Variants in FEM1B observed in about 807,000 individuals in gnomAD.
FEM1B encodes the protein fem-1 homolog B.
FEM1B carries 10 observed loss-of-function variants against 38.6 expected under a neutral mutation model. The observed-to-expected ratio is 0.26, with a 90% CI of 0.16 to 0.44. The LOEUF (loss-of-function observed/expected upper bound fraction) is 0.44, where lower values mean the gene tolerates loss of function less well. Ranked by LOEUF, FEM1B falls within the 20% of genes least tolerant of loss-of-function variation. FEM1B has a pLI of 1.00. For synonymous variants in FEM1B, 288 were observed against 288.0 expected (o/e 1.00, Z 0.00); for missense variants, 471 against 786.7 (o/e 0.60, Z 4.80).
At chr15:68,283,885 CTTTTT>C (rs35187853) in intron 1 of FEM1B, among the ~76,000 whole-genome samples, 5 of 139,156 alleles carry the variant, frequency 3.6e-5, no homozygotes, top group Non-Finnish European at 4.7e-5. Flanking sequence ...CTCACGTAAA[CTTTTT>C]TTTTTTTTTT....
rs1892877768 is a variant in FEM1B, at chr15:68,294,149, C to G, written c.*2907C>G. The G allele has an allele frequency of 6.6e-6, 1 of 152,108 alleles. No individual in the cohort carries two copies. The highest frequency in any genetic ancestry group is 1.5e-5 in the Non-Finnish European group (1 of 68,014). The allele number at this position is 152,108 out of a possible 1,614,324, so 9.4% of individuals were successfully genotyped here. A position where few individuals can be genotyped will look rare whatever the true frequency, so the allele number is the denominator to read the frequency against. On this transcript the variant is annotated 3_prime_UTR_variant, in exon 2 of 2. Coordinates refer to ENST00000306917, the MANE Select transcript of FEM1B (RefSeq NM_015322.5). This position sits in a 1 kb window ranked among gnomAD's most constrained non-coding sequence, Gnocchi z 4.4. The stretch of plus-strand genomic sequence containing the variant: ...TTTAACTCAAGGAATGGGCGGCAAA[C>G]CCATCCCCTCGATTGATAAAGAAGG...
At chr15:68,279,199 C>T (rs573941866) in intron 1 of FEM1B, among the ~76,000 whole-genome samples, 2 of 152,334 alleles carry the variant, frequency 1.3e-5, no homozygotes, top group East Asian at 3.9e-4. Flanking sequence ...GAGGGATTGT[C>T]ACGCAGCCAG....
chr15:68,278,770 A>ACT lies in FEM1B; in HGVS notation c.248+106_248+107dup. ...TTACCCTCTCTTCATGTAGGTACTC[A>ACT]CTTCTCCCCTTTTTGTACCACCTCC... is the stretch of plus-strand genomic sequence containing the variant. On this transcript the variant is annotated intron_variant, in intron 1 of 1. Transcript: ENST00000306917. The surrounding 1 kb of genome is among the most constrained non-coding windows in gnomAD (Gnocchi z 5.7). 7.6e-7 allele frequency: 1 copy of ACT among 1,321,852 alleles called. No homozygotes were observed. Among genetic ancestry groups the ACT allele is most frequent in the Non-Finnish European group, 1.1e-6 (1 of 944,240 alleles). 81.9% of individuals were successfully genotyped at this position (1,321,852 alleles called of 1,614,324 possible).
Position 68,277,996 on chromosome 15 carries a change from GAC to G in FEM1B, c.-421_-420del. 1 of 198,962 alleles carries G rather than the reference GAC, an allele frequency of 5.0e-6. No homozygotes were observed. The highest frequency in any genetic ancestry group is 1.0e-5 in the Non-Finnish European group (1 of 98,416). 12.3% of individuals were successfully genotyped at this position (198,962 alleles called of 1,614,324 possible). ...AGGCCGGGTGGGCCGGGTCAGGAGA[GAC>G]GCGCCCATCTTTCGCCATCCGGGGT... On this transcript the variant is annotated 5_prime_UTR_variant, in exon 1 of 2. Coordinates refer to ENST00000306917, the MANE Select transcript of FEM1B (RefSeq NM_015322.5).
In FEM1B at chr15:68,291,757, C is replaced by T. The variant is rs1431016892; in HGVS notation, c.*515C>T. The T allele has an allele frequency of 1.3e-5, 2 of 152,652 alleles. No individual in the cohort carries two copies. Among genetic ancestry groups the T allele is most frequent in the African/African-American group, 2.4e-5 (1 of 41,474 alleles). The allele number at this position is 152,652 out of a possible 1,614,324, so 9.5% of individuals were successfully genotyped here. A position where few individuals can be genotyped will look rare whatever the true frequency, so the allele number is the denominator to read the frequency against. On this transcript the variant is annotated 3_prime_UTR_variant, in exon 2 of 2. Coordinates refer to ENST00000306917, the MANE Select transcript of FEM1B (RefSeq NM_015322.5). This position sits in a 1 kb window ranked among gnomAD's most constrained non-coding sequence, Gnocchi z 6.9. ...CTTCCATTATTTATACGGAGTGATG[C>T]AGCACATTTTAGCATTCAGGAGGAT...
chr15:68,293,720 A>G lies in FEM1B; in HGVS notation c.*2478A>G, dbSNP rs1210589625. On this transcript the variant is annotated 3_prime_UTR_variant, in exon 2 of 2. Coordinates refer to ENST00000306917, the MANE Select transcript of FEM1B (RefSeq NM_015322.5). This position sits in a 1 kb window ranked among gnomAD's most constrained non-coding sequence, Gnocchi z 5.8. The stretch of plus-strand genomic sequence containing the variant: ...ACCTGTATAAAATCATTTTTGAAAT[A>G]AGTGATCTACATGCCTGTTTTTTTA... 1 of 152,208 alleles carries G rather than the reference A, an allele frequency of 6.6e-6. No homozygotes were observed. Among genetic ancestry groups the G allele is most frequent in the African/African-American group, 2.4e-5 (1 of 41,450 alleles). The allele number at this position is 152,208 out of a possible 1,614,324, so 9.4% of individuals were successfully genotyped here.
chr15:68,288,460 A>ACTAT lies in FEM1B; in HGVS notation c.249-1145_249-1144insATCT, dbSNP rs762691926. On this transcript the variant is annotated intron_variant, in intron 1 of 1. Transcript: ENST00000306917. This position sits in a 1 kb window ranked among gnomAD's most constrained non-coding sequence, Gnocchi z 4.6. ...GTACTTATTGCTTCTAGCACAGTAG[A>ACTAT]CTGTCTCCAGCAAAAATCTACTTAT... 6.6e-5 allele frequency among the ~76,000 whole-genome samples: 10 copies of ACTAT among 152,344 alleles called. No homozygotes were observed. Among genetic ancestry groups the ACTAT allele is most frequent in the African/African-American group, 1.9e-4 (8 of 41,576 alleles).
Position 68,289,757 on chromosome 15 carries a change from A to G in FEM1B, c.399A>G (p.Arg133=). Reference sequence around the variant, plus strand: ...TGCGGGCAGCATGCTTTGATGGCAGACTGGACATTGTGAAATACTTGGTTG... The same window carrying G: ...TGCGGGCAGCATGCTTTGATGGCAGGCTGGACATTGTGAAATACTTGGTTG... ...TPLRAACFDG[R]LDIVKYLVEN... is the part of the protein sequence containing the mutation. Residue 133 remains arginine (R), a synonymous_variant, in exon 2 of 2, where the codon AGA becomes AGG. Coordinates refer to ENST00000306917, the MANE Select transcript of FEM1B (RefSeq NM_015322.5). The surrounding 1 kb of genome is among the most constrained non-coding windows in gnomAD (Gnocchi z 6.9). The G allele has an allele frequency of 6.2e-7, 1 of 1,614,244 alleles. No homozygotes were observed. Among genetic ancestry groups the G allele is most frequent in the Non-Finnish European group, 8.5e-7 (1 of 1,180,044 alleles).
At chr15:68,282,497 T>C (rs34693034) in intron 1 of FEM1B, among the ~76,000 whole-genome samples, 42,721 of 152,136 alleles carry the variant, frequency 0.28, 6,474 homozygotes, top group Non-Finnish European at 0.34. Context: ...CAGGCATTTC[T>C]ATTTCAGATT....
rs766933648 is a variant in FEM1B, at chr15:68,278,624, C to T, written c.207C>T (p.Tyr69=). ...AKVVRLLLEH[Y]RVQTQQTGTV... ...TGGTACGCTTGCTCTTAGAACATTA[C>T]CGGGTGCAGACTCAGCAGACTGGCA... is the stretch of plus-strand genomic sequence containing the variant. Residue 69 remains tyrosine (Y), a synonymous_variant, in exon 1 of 2, where the codon TAC becomes TAT. Transcript: ENST00000306917. The surrounding 1 kb of genome is among the most constrained non-coding windows in gnomAD (Gnocchi z 5.7). 1 of 1,614,106 alleles carries T rather than the reference C, an allele frequency of 6.2e-7. No homozygotes were observed. The highest frequency in any genetic ancestry group is 2.2e-5 in the East Asian group (1 of 44,878).
rs1456937970 is a variant in FEM1B at position 68,278,263 on chromosome 15, T to A, written c.-155T>A. On this transcript the variant is annotated 5_prime_UTR_variant, in exon 1 of 2. Coordinates refer to ENST00000306917, the MANE Select transcript of FEM1B (RefSeq NM_015322.5). This position sits in a 1 kb window ranked among gnomAD's most constrained non-coding sequence, Gnocchi z 5.7. ...GCCTCCTCTGCGTCTCCGCCTTCCCTGGGCCGCACTGCTGCCTGGGCGCGG... is the reference window on the plus strand; with the variant it reads ...GCCTCCTCTGCGTCTCCGCCTTCCCAGGGCCGCACTGCTGCCTGGGCGCGG... The A allele has an allele frequency of 3.7e-5, 37 of 997,276 alleles. No individual in the cohort carries two copies. In the East Asian group the frequency reaches 9.6e-4, roughly 26 times the overall value. 61.8% of individuals were successfully genotyped at this position (997,276 alleles called of 1,614,324 possible).
At chr15:68,286,636 C>T (rs1595840849) in intron 1 of FEM1B, among the ~76,000 whole-genome samples, 1 of 152,042 alleles carries the variant, frequency 6.6e-6, no homozygotes, top group Admixed American at 6.6e-5. Flanking sequence ...TTTAGATTTA[C>T]TTATCTCAGG....
At position 68,290,778 on chromosome 15, in the gene FEM1B, C is replaced by T; in HGVS notation, c.1420C>T (p.Leu474=). ...CAAAATTAACAAGCAGATCTACAAC[C>T]TGATTCACCTTGATCCCAGAACTCG... The part of the protein sequence containing the change: ...QCKINKQIYN[L]IHLDPRTREG... The change falls in exon 2 of 2, where the codon CTG becomes TTG. Residue 474 remains leucine (L), a synonymous_variant. Transcript: ENST00000306917. The surrounding 1 kb of genome is among the most constrained non-coding windows in gnomAD (Gnocchi z 9.7). The T allele has an allele frequency of 6.2e-7, 1 of 1,614,014 alleles. No homozygotes were observed. Among genetic ancestry groups the T allele is most frequent in the South Asian group, 1.1e-5 (1 of 91,080 alleles).
In FEM1B at chr15:68,288,527, TG is replaced by T; in HGVS notation, c.249-1076del. On this transcript the variant is annotated intron_variant, in intron 1 of 1. Coordinates refer to ENST00000306917, the MANE Select transcript of FEM1B (RefSeq NM_015322.5). This position sits in a 1 kb window ranked among gnomAD's most constrained non-coding sequence, Gnocchi z 4.6. Reference sequence around the variant, plus strand: ...TGGTAAGAAATTTAGAAATTAAGGTTGGGGAAAAATTGACAGTAGAAAGGTG... The same window carrying T: ...TGGTAAGAAATTTAGAAATTAAGGTTGGGAAAAATTGACAGTAGAAAGGTG... Among the ~76,000 whole-genome samples the T allele has an allele frequency of 6.6e-6, 1 of 152,312 alleles. No homozygotes were observed. Among genetic ancestry groups the T allele is most frequent in the South Asian group, 2.1e-4 (1 of 4,832 alleles).
rs151125509 is a variant in FEM1B, at chr15:68,290,183, T to C, written c.825T>C (p.Tyr275=). The change falls in exon 2 of 2, where the codon TAT becomes TAC. Residue 275 remains tyrosine, a synonymous_variant. Transcript: ENST00000306917. The surrounding 1 kb of genome is among the most constrained non-coding windows in gnomAD (Gnocchi z 9.7). ...ATGACATCATAAAGACATACCACTA[T>C]CTATATTTAGCCATGTTAGAGAGGT... is the stretch of plus-strand genomic sequence containing the variant. ...ENYDIIKTYH[Y]LYLAMLERFQ... is the part of the protein sequence containing the mutation. 1.2e-3 allele frequency: 1,974 copies of C among 1,613,998 alleles called. 27 individuals carry two copies. In the African/African-American group the frequency reaches 0.02, roughly 16 times the overall value.
rs761831445 is a variant in FEM1B at position 68,290,063 on chromosome 15, A to T, written c.705A>T (p.Val235=). The part of the protein sequence containing the change: ...VAAESCKADV[V]ELLLSHADCD... ...CCGAAAGCTGTAAAGCTGATGTCGT[A>T]GAACTGTTACTCTCTCATGCTGATT... Residue 235 remains valine, a synonymous_variant, in exon 2 of 2, where the codon GTA becomes GTT. Transcript: ENST00000306917. The surrounding 1 kb of genome is among the most constrained non-coding windows in gnomAD (Gnocchi z 9.7). 6.2e-7 allele frequency: 1 copy of T among 1,614,252 alleles called. No homozygotes were observed. Among genetic ancestry groups the T allele is most frequent in the Admixed American group, 1.7e-5 (1 of 60,030 alleles).
rs1298538121 is a variant in FEM1B at position 68,295,010 on chromosome 15, C to T, written c.*3768C>T. ...TTCTTATGTATTTCTGGCAGACTTGCCCAAATCTTTAGATGGGCTGGGTTA... is the reference window on the plus strand; with the variant it reads ...TTCTTATGTATTTCTGGCAGACTTGTCCAAATCTTTAGATGGGCTGGGTTA... On this transcript the variant is annotated 3_prime_UTR_variant, in exon 2 of 2. Transcript: ENST00000306917. The T allele has an allele frequency of 6.6e-6, 1 of 152,172 alleles. No individual in the cohort carries two copies. The highest frequency in any genetic ancestry group is 1.5e-5 in the Non-Finnish European group (1 of 68,032). The allele number at this position is 152,172 out of a possible 1,614,324, so 9.4% of individuals were successfully genotyped here.
chr15:68,289,602 T>TC lies in FEM1B; in HGVS notation c.249-5_249-4insC, dbSNP rs1415722781. ...TATCTAACTGCTTATTCTTTTCATG[T>TC]GTAGGTATGTCATTGATGGTGCCAC... is the stretch of plus-strand genomic sequence containing the variant. On this transcript the variant is annotated splice_region_variant and splice_polypyrimidine_tract_variant and intron_variant, in intron 1 of 1. Transcript: ENST00000306917. This position sits in a 1 kb window ranked among gnomAD's most constrained non-coding sequence, Gnocchi z 6.9. 4.3e-6 allele frequency: 7 copies of TC among 1,611,402 alleles called. No individual in the cohort carries two copies. In the African/African-American group the frequency reaches 8.0e-5, roughly 18 times the overall value.
chr15:68,278,622 T>C lies in FEM1B; in HGVS notation c.205T>C (p.Tyr69His), dbSNP rs759127129. 22 of 1,613,888 alleles carry C rather than the reference T, an allele frequency of 1.4e-5. No individual in the cohort carries two copies. Among genetic ancestry groups the C allele is most frequent in the Non-Finnish European group, 1.5e-5 (18 of 1,180,022 alleles). Residue 69 changes from tyrosine to histidine, a missense_variant, in exon 1 of 2, where the codon TAC becomes CAC. Physicochemically the swap from Tyr to His is moderately conservative, Grantham distance 83. Around this residue, in one of 3 missense-constraint regions of FEM1B, gnomAD observed 91 missense variants for 169.6 expected, o/e 0.54. Transcript: ENST00000306917. The surrounding 1 kb of genome is among the most constrained non-coding windows in gnomAD (Gnocchi z 5.7). ...AKVVRLLLEHYRVQTQQTGTV... is the reference protein window; with the variant it reads ...AKVVRLLLEHHRVQTQQTGTV... ...GGTGGTACGCTTGCTCTTAGAACAT[T>C]ACCGGGTGCAGACTCAGCAGACTGG...
Sources: allele counts gnomAD v4.1 joint callset (sites outside exome capture counted in the v4.1 genomes callset), GRCh38; gene constraint gnomAD v4.1.1; regional missense constraint gnomAD v4.1.1; non-coding constraint Gnocchi (gnomAD v3.1); transcripts MANE v1.5; gene names NCBI Gene and HGNC (gene_info 2026-07-23, HGNC 2026-07-21).